The following ATXN2 variants were observed in gnomAD, a reference collection of about 807,000 sequenced individuals.
The protein encoded by ATXN2 is ataxin 2.
Under a neutral mutation model 138.6 loss-of-function variants are expected in ATXN2, and 37 were observed. The observed-to-expected ratio is 0.27, with a 90% CI of 0.21 to 0.35. The LOEUF (loss-of-function observed/expected upper bound fraction) is 0.35, where lower values mean the gene tolerates loss of function less well. Among genes scored for constraint, ATXN2 ranks in the 10% least tolerant of loss-of-function variants. The pLI is 1.00. For missense variants in ATXN2, 1,216 were observed against 1,480.3 expected (o/e 0.82, Z 2.93); for synonymous variants, 549 against 543.7 (o/e 1.01, Z -0.13).
At chr12:111,463,090 T>C (rs989500785) in intron 21 of ATXN2, among the ~76,000 whole-genome samples, 1 of 152,140 alleles carries the variant, frequency 6.6e-6, no homozygotes, top group Non-Finnish European at 1.5e-5. Flanking sequence ...GCATTTTAAA[T>C]GCTAATATGG....
chr12:111,493,090 A>T (rs1219659661), intron 14 of ATXN2, among the ~76,000 whole-genome samples: 1 of 152,110 alleles, frequency 6.6e-6, no homozygotes, highest in Non-Finnish European at 1.5e-5. Context: ...CAAGCAGCAG[A>T]AAACATTAGT....
intron 18 of ATXN2, among the ~76,000 whole-genome samples, chr12:111,477,969 T>C (rs1453092734): frequency 6.6e-6 from 1 of 151,852 alleles, no homozygotes; most frequent in African/African-American, 2.4e-5. Flanking sequence ...TTTTTTCTTT[T>C]TTTTTTTTGC....
chr12:111,569,366 TTAAG>T (rs1353683930), intron 1 of ATXN2, among the ~76,000 whole-genome samples: 5 of 152,170 alleles, frequency 3.3e-5, no homozygotes, highest in African/African-American at 9.7e-5. Context: ...TGGTATGTTA[TTAAG>T]TGTTTAATAA....
chr12:111,462,977 T>TATATAC lies in ATXN2; in HGVS notation c.2896+1684_2896+1685insGTATAT, dbSNP rs536560720. Among the ~76,000 whole-genome samples, 8 of 147,854 alleles carry TATATAC rather than the reference T, an allele frequency of 5.4e-5. No homozygotes were observed. In the East Asian group the frequency reaches 1.2e-3, roughly 22 times the overall value. ...ATACACACATACATATATATATATA[T>TATATAC]ACACACACACACACACACACACACA... On this transcript the variant is annotated intron_variant, in intron 21 of 24. Coordinates refer to ENST00000673436, the MANE Select transcript of ATXN2 (RefSeq NM_001372574.1).
At chr12:111,531,233 T>C (rs573489484) in intron 5 of ATXN2, among the ~76,000 whole-genome samples, 2 of 151,856 alleles carry the variant, frequency 1.3e-5, no homozygotes, top group East Asian at 1.9e-4. Flanking sequence ...GCCAACATGG[T>C]GAAACCCTGT....
At chr12:111,495,593 A>G (rs1176111120) in intron 14 of ATXN2, among the ~76,000 whole-genome samples, 1 of 152,212 alleles carries the variant, frequency 6.6e-6, no homozygotes, top group African/African-American at 2.4e-5. Flanking sequence ...CAGATATATA[A>G]AGCAAACATT....
intron 14 of ATXN2, among the ~76,000 whole-genome samples, chr12:111,490,805 G>A (rs935096937): frequency 6.6e-6 from 1 of 152,118 alleles, no homozygotes. Context: ...CTGTGTGCTC[G>A]GGGGAGAGAG....
At chr12:111,473,308 T>A (rs2135678259) in intron 18 of ATXN2, among the ~76,000 whole-genome samples, 1 of 150,886 alleles carries the variant, frequency 6.6e-6, no homozygotes, top group Middle Eastern at 3.4e-3. Context: ...ATTCCAGAAG[T>A]TTATACTGAT....
At chr12:111,553,762 G>A (rs142747289) in intron 3 of ATXN2, among the ~76,000 whole-genome samples, 312 of 151,556 alleles carry the variant, frequency 2.1e-3, no homozygotes, top group African/African-American at 6.3e-3. Context: ...CACCACGTTC[G>A]GCTAGTTTTT....
intron 18 of ATXN2, among the ~76,000 whole-genome samples, chr12:111,472,891 T>C (rs900220794): frequency 2.6e-5 from 4 of 152,138 alleles, no homozygotes; most frequent in Non-Finnish European, 5.9e-5. Flanking sequence ...AACTTTAATA[T>C]GCTATTGAAG....
rs369075649 is a variant in ATXN2, at chr12:111,595,502, C to A, written c.251+3282G>T. On this transcript the variant is annotated intron_variant, in intron 1 of 24. Transcript: ENST00000673436. ...ACCAAAAATACAAAAATTAGCCAAG[C>A]GTGGTGGAACATTCCTGTAGCCCCA... is the stretch of plus-strand genomic sequence containing the variant. 2.0e-5 allele frequency among the ~76,000 whole-genome samples: 3 copies of A among 151,688 alleles called. No homozygotes were observed. In the East Asian group the frequency reaches 5.8e-4, roughly 30 times the overall value.
intron 21 of ATXN2, among the ~76,000 whole-genome samples, chr12:111,460,014 G>C (rs1353633729): frequency 6.6e-6 from 1 of 152,184 alleles, no homozygotes; most frequent in African/African-American, 2.4e-5. Context: ...ACTGCACCCG[G>C]CCTAAAAATT....
At chr12:111,555,254 C>T (rs373391687) in intron 2 of ATXN2, among the ~76,000 whole-genome samples, 8 of 152,218 alleles carry the variant, frequency 5.3e-5, no homozygotes, top group South Asian at 2.1e-4. Context: ...CTTAGATTTG[C>T]ACTTAGTCAT....
intron 14 of ATXN2, among the ~76,000 whole-genome samples, chr12:111,507,443 G>C (rs201666767): frequency 6.6e-6 from 1 of 151,690 alleles, no homozygotes; most frequent in Non-Finnish European, 1.5e-5. Context: ...ACCCCGTCTG[G>C]GAAGTGAGGA....
At chr12:111,508,550 G>A (rs1879318935) in intron 14 of ATXN2, among the ~76,000 whole-genome samples, 1 of 148,212 alleles carries the variant, frequency 6.7e-6, no homozygotes, top group Admixed American at 6.9e-5. Flanking sequence ...GGGTTCAAGC[G>A]ATTATCCTGC....
intron 14 of ATXN2, among the ~76,000 whole-genome samples, chr12:111,498,893 C>T (rs1458899194): frequency 6.6e-6 from 1 of 151,980 alleles, no homozygotes; most frequent in African/African-American, 2.4e-5. Flanking sequence ...GAAATGAATC[C>T]ATACGTCTAA....
intron 1 of ATXN2, among the ~76,000 whole-genome samples, chr12:111,560,784 A>C (rs1479009702): frequency 6.6e-6 from 1 of 152,188 alleles, no homozygotes; most frequent in Non-Finnish European, 1.5e-5. Context: ...GCTAAGACAC[A>C]GGAAAGTATA....
In ATXN2 at chr12:111,510,432, G is replaced by A. The variant is rs372595198; in HGVS notation, c.1709C>T (p.Thr570Met). The A allele has an allele frequency of 4.2e-5, 68 of 1,614,004 alleles. No homozygotes were observed. Among genetic ancestry groups the A allele is most frequent in the African/African-American group, 1.1e-4 (8 of 74,904 alleles). Reference protein sequence around the residue: ...VAMPIPAASPTPASPASNRAV... With the variant: ...VAMPIPAASPMPASPASNRAV... ...TCTGTTCGATGCAGGACTAGCAGGCGTAGGAGATGCAGCTGGAATAGGCAT... is the reference window on the plus strand; with the variant it reads ...TCTGTTCGATGCAGGACTAGCAGGCATAGGAGATGCAGCTGGAATAGGCAT... The change falls in exon 12 of 25, where the codon ACG becomes ATG. Residue 570 changes from threonine to methionine, a missense_variant. Transcript: ENST00000673436.
At position 111,453,466 on chromosome 12, in the gene ATXN2, G is replaced by A; in HGVS notation, c.3439+211C>T. On this transcript the variant is annotated intron_variant, in intron 24 of 24. Coordinates refer to ENST00000673436, the MANE Select transcript of ATXN2 (RefSeq NM_001372574.1). The surrounding 1 kb of genome is among the most constrained non-coding windows in gnomAD (Gnocchi z 5.4). ...GCTGCTTCTCATCAAGCCAAATCCT[G>A]TATACCATCAGAACACACACAGACT... 1 of 1,304,156 alleles carries A rather than the reference G, an allele frequency of 7.7e-7. No homozygotes were observed. The highest frequency in any genetic ancestry group is 9.7e-7 in the Non-Finnish European group (1 of 1,029,086). The allele number at this position is 1,304,156 out of a possible 1,614,324, so 80.8% of individuals were successfully genotyped here. A position where few individuals can be genotyped will look rare whatever the true frequency, so the allele number is the denominator to read the frequency against.
Sources: allele counts gnomAD v4.1 joint callset (sites outside exome capture counted in the v4.1 genomes callset), GRCh38; gene constraint gnomAD v4.1.1; non-coding constraint Gnocchi (gnomAD v3.1); transcripts MANE v1.5; gene names NCBI Gene and HGNC (gene_info 2026-07-23, HGNC 2026-07-21).